TIPIN: variants seen among roughly 807,000 people sequenced by gnomAD.
TIPIN encodes TIMELESS interacting protein, also known as TIMELESS-interacting protein.
TIPIN carries 29 observed loss-of-function variants against 35.6 expected under a neutral mutation model. That is an observed-to-expected ratio of 0.82 (90% confidence interval 0.61 to 1.11). The LOEUF is 1.11. Ranked by LOEUF, TIPIN falls within the 50% of genes most tolerant of loss-of-function variation. The pLI, the probability that TIPIN is intolerant of heterozygous loss-of-function variation, is 0.00. For synonymous variants in TIPIN, 102 were observed against 121.5 expected, an observed-to-expected ratio of 0.84 and a Z score of 1.06; for missense variants, 296 against 345.4, an observed-to-expected ratio of 0.86 and a Z score of 1.13.
intron 2 of TIPIN, 108 bp from the exon 3 acceptor site, chr15:66,352,315 T>C (rs758237008): frequency 3.8e-5 from 32 of 847,460 alleles, no homozygotes; most frequent in Middle Eastern, 2.7e-4. Flanking sequence ...ACACCTTTTT[T>C]TGAAACAGGG....
chr15:66,355,711 A>G (rs570959004), intron 1 of TIPIN, among the ~76,000 whole-genome samples: 48 of 152,134 alleles, frequency 3.2e-4, no homozygotes, highest in Non-Finnish European at 6.2e-4. Flanking sequence ...AGACCGCGCC[A>G]CTGCACTCCA....
chr15:66,379,491 T>A lies in TIPIN; in HGVS notation c.-9+7116A>T, dbSNP rs2093310017. ...GTCATTTCCTTCAAAGATTAATTCATCTTTCTGGGCTTGAGATACTGAACA... is the reference window on the plus strand; with the variant it reads ...GTCATTTCCTTCAAAGATTAATTCAACTTTCTGGGCTTGAGATACTGAACA... On this transcript the variant is annotated intron_variant, in intron 1 of 7. Coordinates refer to the TIPIN transcript ENST00000562124. The A allele has an allele frequency of 1.2e-5, 20 of 1,609,146 alleles. 1 individual carries two copies. In the South Asian group the frequency reaches 2.1e-4, roughly 17 times the overall value.
intron 7 of TIPIN, among the ~76,000 whole-genome samples, chr15:66,339,858 A>C (rs2093072424): frequency 6.6e-6 from 1 of 152,084 alleles, no homozygotes; most frequent in Non-Finnish European, 1.5e-5. Context: ...CCAAGTGACA[A>C]AACACAAGAA....
rs62625675 is a variant in TIPIN at position 66,336,682 on chromosome 15, A to G, written c.*276T>C. On this transcript the variant is annotated 3_prime_UTR_variant, in exon 8 of 8. Transcript: ENST00000261881. ...CAAAACCTCCCAACTTAGTGAAAAC[A>G]AGGCATTCAATGACAGACCAGCAGC... 0.068 allele frequency: 25,413 copies of G among 372,856 alleles called. 995 individuals carry two copies. The highest frequency in any genetic ancestry group is 0.083 in the Non-Finnish European group (16,775 of 201,610). 23.1% of individuals were successfully genotyped at this position (372,856 alleles called of 1,614,324 possible).
chr15:66,351,753 C>A (rs906671186), intron 3 of TIPIN, among the ~76,000 whole-genome samples, 153 bp from the exon 4 acceptor site: 18 of 151,676 alleles, frequency 1.2e-4, no homozygotes, highest in Admixed American at 2.6e-4. Context: ...CATTCTCCTG[C>A]CTCAGCCTCC....
upstream of TIPIN, among the ~76,000 whole-genome samples, chr15:66,359,451 T>C (rs2093222033): frequency 6.6e-6 from 1 of 152,030 alleles, no homozygotes; most frequent in African/African-American, 2.4e-5. Context: ...GTTCAAGAGA[T>C]TCTCTGCCTC....
chr15:66,349,830 A>G lies in TIPIN; in HGVS notation c.289-393T>C, dbSNP rs192030895. Among the ~76,000 whole-genome samples, 26 of 152,208 alleles carry G rather than the reference A, an allele frequency of 1.7e-4. 1 individual carries two copies. The East Asian group carries it at 4.8e-3, about 28-fold the overall frequency. ...GGGGGGCAGAGGTTGCAGTGAGCCA[A>G]GTTCACACCACTGCACTCCAGACTG... On this transcript the variant is annotated intron_variant, in intron 4 of 7. Coordinates refer to ENST00000261881, the MANE Select transcript of TIPIN (RefSeq NM_017858.3).
chr15:66,367,228 GTATCTATATCTATATCTATCTATA>G (rs1566983177), intron 1 of TIPIN, among the ~76,000 whole-genome samples: 1 of 31,518 alleles, frequency 3.2e-5, no homozygotes, highest in African/African-American at 6.9e-5. Flanking sequence ...ATCTATATCT[GTATCTATATCTATATCTATCTATA>G]TATCTATATC....
intron 1 of TIPIN, among the ~76,000 whole-genome samples, chr15:66,386,242 A>AGATCGC (rs1252544021): frequency 1.3e-5 from 2 of 151,868 alleles, no homozygotes; most frequent in African/African-American, 4.8e-5. Flanking sequence ...TAGTTAGCGG[A>AGATCGC]GATCGCGCCA....
At chr15:66,347,191 A>G (rs775697224) in intron 6 of TIPIN, 1 of 498,960 alleles carries the variant, frequency 2.0e-6, no homozygotes, top group South Asian at 1.5e-5. Context: ...GTTAAAAGTT[A>G]AAAAACAAAA....
At chr15:66,372,385 GT>G (rs1404900790) in intron 1 of TIPIN, among the ~76,000 whole-genome samples, 17 of 152,316 alleles carry the variant, frequency 1.1e-4, no homozygotes, top group Admixed American at 7.8e-4. Context: ...TACGCATATT[GT>G]TGCAAGTAGT....
Position 66,337,178 on chromosome 15 carries a change from A to G in TIPIN, c.686T>C (p.Met229Thr), listed in dbSNP as rs747936027. The change falls in exon 8 of 8, where the codon ATG becomes ACG. Residue 229 changes from methionine to threonine, a missense_variant. Met to Thr is a moderately conservative substitution (Grantham distance 81). Transcript: ENST00000261881. ...LSNSQTLGND[M>T]LMNTPRAHTV... ...GTGTGCCCTGGGTGTATTCATTAAC[A>G]TATCTGAAAGAAATCATACCATTAT... is the stretch of plus-strand genomic sequence containing the variant. 4 of 1,612,112 alleles carry G rather than the reference A, an allele frequency of 2.5e-6. No individual in the cohort carries two copies. Among genetic ancestry groups the G allele is most frequent in the Admixed American group, 3.3e-5 (2 of 59,902 alleles).
At chr15:66,385,081 A>G (rs1444084150) in intron 1 of TIPIN, among the ~76,000 whole-genome samples, 2 of 152,336 alleles carry the variant, frequency 1.3e-5, no homozygotes, top group South Asian at 4.1e-4. Context: ...TGCTTAATAT[A>G]TTTAGTGACT....
chr15:66,383,655 C>CAT, intron 1 of TIPIN: 12 of 876,854 alleles, frequency 1.4e-5, no homozygotes, highest in Non-Finnish European at 1.6e-5. Flanking sequence ...TCTACACACA[C>CAT]ATGCATACAT....
chr15:66,364,158 C>CTTTTTTTTT (rs747825457), intron 1 of TIPIN, among the ~76,000 whole-genome samples: 248 of 73,718 alleles, frequency 3.4e-3, no homozygotes, highest in Middle Eastern at 0.012. Context: ...TCTTTCTTTT[C>CTTTTTTTTT]TTTTTTTTTT....
intron 1 of TIPIN, among the ~76,000 whole-genome samples, chr15:66,364,838 C>T (rs1202483429): frequency 6.6e-6 from 1 of 151,434 alleles, no homozygotes; most frequent in African/African-American, 2.4e-5. Context: ...TGGTGGCAGG[C>T]GCCTGTAATC....
At chr15:66,370,419 T>G (rs2093273502) in intron 1 of TIPIN, among the ~76,000 whole-genome samples, 2 of 151,584 alleles carry the variant, frequency 1.3e-5, no homozygotes, top group Admixed American at 1.3e-4. Flanking sequence ...GTGGTTTCAT[T>G]GCATTCAGAA....
At chr15:66,359,172 CAG>C (rs1232632447), upstream of TIPIN, among the ~76,000 whole-genome samples, 5 of 101,528 alleles carry the variant, frequency 4.9e-5, no homozygotes, top group Admixed American at 1.9e-4. Context: ...CACACACACA[CAG>C]ACACACACAC....
intron 1 of TIPIN, among the ~76,000 whole-genome samples, chr15:66,356,139 C>G (rs1033712497): frequency 6.6e-6 from 1 of 152,016 alleles, no homozygotes; most frequent in Non-Finnish European, 1.5e-5. Flanking sequence ...TTTCCAATGC[C>G]CACCTCTTTT....
Sources: gnomAD v4.1 joint callset for allele counts (sites outside exome capture counted in the v4.1 genomes callset) on GRCh38, gnomAD v4.1.1 for gene constraint, MANE v1.5 for transcripts, NCBI Gene and HGNC (gene_info 2026-07-23, HGNC 2026-07-21) for gene names.